Variants in CLSTN2 observed in about 807,000 individuals in gnomAD.
CLSTN2 encodes the protein calsyntenin-2.
A neutral mutation model predicts 101.2 loss-of-function variants in CLSTN2; 48 were observed. That is an observed-to-expected ratio of 0.47 (90% confidence interval 0.38 to 0.60). The LOEUF is 0.60. Among genes scored for constraint, CLSTN2 ranks in the 20% least tolerant of loss-of-function variants. The pLI is 0.00. For missense variants in CLSTN2, 1,160 were observed against 1,238.2 expected (o/e 0.94, Z 0.95); for synonymous variants, 481 against 463.6 (o/e 1.04, Z -0.48).
At chr3:139,961,220 G>C (rs563397021) in intron 1 of CLSTN2, among the ~76,000 whole-genome samples, 48 of 152,124 alleles carry the variant, frequency 3.2e-4, no homozygotes, top group African/African-American at 1.1e-3. Flanking sequence ...AAACGGGTCC[G>C]AAGTATCACA....
Position 139,935,686 on chromosome 3 carries a change from C to G in CLSTN2, c.109+203C>G, listed in dbSNP as rs559462136. ...TCCACCCGCGGACGTCAACTCAACC[C>G]CTGGGCGGGGTCCGGGGGCTGAGCA... On this transcript the variant is annotated intron_variant, in intron 1 of 16. Coordinates refer to ENST00000458420, the MANE Select transcript of CLSTN2 (RefSeq NM_022131.3). The surrounding 1 kb of genome is among the most constrained non-coding windows in gnomAD (Gnocchi z 5.5). 1.8e-3 allele frequency among the ~76,000 whole-genome samples: 270 copies of G among 152,286 alleles called. 1 individual carries two copies. The highest frequency in any genetic ancestry group is 6.3e-3 in the African/African-American group (261 of 41,582).
At chr3:140,181,164 C>CT (rs1441974035) in intron 2 of CLSTN2, among the ~76,000 whole-genome samples, 1 of 152,326 alleles carries the variant, frequency 6.6e-6, no homozygotes, top group African/African-American at 2.4e-5. Flanking sequence ...CTGAACTACT[C>CT]TGAGGGACAG....
At chr3:140,518,456 G>T (rs1312157868) in intron 8 of CLSTN2, among the ~76,000 whole-genome samples, 1 of 152,124 alleles carries the variant, frequency 6.6e-6, no homozygotes, top group East Asian at 1.9e-4. Flanking sequence ...GCTTCCCTGG[G>T]ATCTTAGAGA....
At chr3:140,267,868 G>T (rs72990162) in intron 2 of CLSTN2, among the ~76,000 whole-genome samples, 4,715 of 152,272 alleles carry the variant, frequency 0.031, 154 homozygotes, top group African/African-American at 0.074. Context: ...GAGCAGAAAA[G>T]CCTGGAGAGA....
intron 2 of CLSTN2, among the ~76,000 whole-genome samples, chr3:140,234,183 A>G (rs2086396126): frequency 6.6e-6 from 1 of 152,228 alleles, no homozygotes; most frequent in African/African-American, 2.4e-5. Flanking sequence ...GCTGAAAGGC[A>G]TTTCTAATAC....
intron 1 of CLSTN2, among the ~76,000 whole-genome samples, chr3:140,033,615 C>T (rs550227617): frequency 2.6e-5 from 4 of 152,308 alleles, no homozygotes; most frequent in South Asian, 2.1e-4. Flanking sequence ...ACAAATGAAA[C>T]AGGCAGCCAT....
In CLSTN2 at chr3:140,566,493, C is replaced by T. The variant is rs1936030675; in HGVS notation, c.*240C>T. On this transcript the variant is annotated 3_prime_UTR_variant, in exon 17 of 17. Transcript: ENST00000458420. The stretch of plus-strand genomic sequence containing the variant: ...CAGGGTAGACTTTGTCCTGTAGCCT[C>T]CACTTCTGCCCTAAGTTCCCCAGCA... The T allele has an allele frequency of 3.8e-6, 2 of 531,078 alleles. No individual in the cohort carries two copies. Among genetic ancestry groups the T allele is most frequent in the Admixed American group, 3.1e-5 (1 of 32,490 alleles). The allele number at this position is 531,078 out of a possible 1,614,324, so 32.9% of individuals were successfully genotyped here. A position where few individuals can be genotyped will look rare whatever the true frequency, so the allele number is the denominator to read the frequency against.
At chr3:140,157,309 T>C (rs900110659) in intron 1 of CLSTN2, among the ~76,000 whole-genome samples, 8 of 152,144 alleles carry the variant, frequency 5.3e-5, no homozygotes, top group Non-Finnish European at 5.9e-5. Context: ...TTCAGTAGGA[T>C]TGTTACCAGT....
intron 2 of CLSTN2, among the ~76,000 whole-genome samples, chr3:140,270,982 T>C (rs1291035627): frequency 6.6e-6 from 1 of 152,160 alleles, no homozygotes; most frequent in Non-Finnish European, 1.5e-5. Flanking sequence ...TGGATAGTCT[T>C]GCAACAGAGT....
chr3:140,420,026 G>A (rs1380873671), intron 4 of CLSTN2, among the ~76,000 whole-genome samples: 1 of 149,536 alleles, frequency 6.7e-6, no homozygotes, highest in East Asian at 2.0e-4. Flanking sequence ...CTGAGTAGCC[G>A]GGAGTACAGA....
At chr3:140,417,187 A>G (rs1265151474) in intron 4 of CLSTN2, among the ~76,000 whole-genome samples, 2 of 152,200 alleles carry the variant, frequency 1.3e-5, no homozygotes, top group Non-Finnish European at 2.9e-5. Context: ...TTTTCACTTA[A>G]CATTTAACTA....
At chr3:140,488,036 A>G (rs1934273242) in intron 8 of CLSTN2, among the ~76,000 whole-genome samples, 1 of 152,236 alleles carries the variant, frequency 6.6e-6, no homozygotes, top group East Asian at 1.9e-4. Flanking sequence ...GCAAAGATGC[A>G]CATTCGGGTT....
intron 1 of CLSTN2, among the ~76,000 whole-genome samples, chr3:140,110,149 A>G (rs1303272391): frequency 6.6e-6 from 1 of 152,114 alleles, no homozygotes; most frequent in East Asian, 1.9e-4. Context: ...CCTTAATCAG[A>G]TTTTACTTTT....
chr3:140,119,177 C>T (rs2009298096), intron 1 of CLSTN2, among the ~76,000 whole-genome samples: 1 of 152,140 alleles, frequency 6.6e-6, no homozygotes. Flanking sequence ...CAACTGCCGG[C>T]TTCTCCAAAC....
chr3:140,257,977 G>T (rs555284356), intron 2 of CLSTN2, among the ~76,000 whole-genome samples: 1 of 151,374 alleles, frequency 6.6e-6, no homozygotes, highest in South Asian at 2.1e-4. Flanking sequence ...ACTGTGTTCA[G>T]TTACCTTTCC....
intron 8 of CLSTN2, among the ~76,000 whole-genome samples, chr3:140,484,475 G>T (rs1407583708): frequency 6.6e-6 from 1 of 152,034 alleles, no homozygotes; most frequent in Non-Finnish European, 1.5e-5. Flanking sequence ...TATCTTTGTG[G>T]CATTCTCTGT....
Position 140,502,130 on chromosome 3 carries a change from G to C in CLSTN2, c.1345-30194G>C, listed in dbSNP as rs563874075. ...AAAGCAGGCTGTGCTTATGGTGGTG[G>C]TGGGTGAAGGGTAAAATAAAAAAAA... On this transcript the variant is annotated intron_variant, in intron 8 of 16. Transcript: ENST00000458420. Among the ~76,000 whole-genome samples the C allele has an allele frequency of 2.2e-4, 34 of 152,322 alleles. 1 individual carries two copies. Among genetic ancestry groups the C allele is most frequent in the Admixed American group, 2.1e-3 (32 of 15,304 alleles).
At chr3:140,146,066 T>A (rs2009776814) in intron 1 of CLSTN2, among the ~76,000 whole-genome samples, 1 of 152,186 alleles carries the variant, frequency 6.6e-6, no homozygotes, top group Non-Finnish European at 1.5e-5. Flanking sequence ...TCCCAAGACA[T>A]CCTGAGCCCA....
intron 2 of CLSTN2, among the ~76,000 whole-genome samples, chr3:140,293,942 G>A (rs1029380811): frequency 6.6e-6 from 1 of 152,166 alleles, no homozygotes; most frequent in African/African-American, 2.4e-5. Flanking sequence ...CAAAGACTGA[G>A]ATGCAAACCA....
Sources: allele counts gnomAD v4.1 joint callset (sites outside exome capture counted in the v4.1 genomes callset), GRCh38; gene constraint gnomAD v4.1.1; non-coding constraint Gnocchi (gnomAD v3.1); transcripts MANE v1.5; gene names NCBI Gene and HGNC (gene_info 2026-07-23, HGNC 2026-07-21).